ASIC5: variants seen among roughly 807,000 people sequenced by gnomAD.
ASIC5 encodes the protein bile acid-sensitive ion channel.
ASIC5 carries 52 observed loss-of-function variants against 51.2 expected under a neutral mutation model. The ratio of observed to expected loss-of-function variants is 1.02; its 90% CI spans 0.81 to 1.28. The LOEUF is 1.28. ASIC5 is among the 50% of genes most tolerant of loss of function. The pLI is 0.00. For missense variants in ASIC5, 635 were observed against 595.0 expected (o/e 1.07, Z -0.70); for synonymous variants, 231 against 200.7 (o/e 1.15, Z -1.28).
chr4:155,830,171 T>G (rs7434873), intron 9 of ASIC5, 125 bp from the exon 10 acceptor site: 55,245 of 618,730 alleles, frequency 0.089, 2,743 homozygotes, highest in South Asian at 0.12. Flanking sequence ...ATTTTATTAT[T>G]TTAACATTTG....
Position 155,854,334 on chromosome 4 carries a change from C to T in ASIC5, c.348-20G>A, listed in dbSNP as rs907440640. 1.4e-6 allele frequency: 2 copies of T among 1,451,254 alleles called. No homozygotes were observed. Among genetic ancestry groups the T allele is most frequent in the Non-Finnish European group, 1.9e-6 (2 of 1,036,354 alleles). 89.9% of individuals were successfully genotyped at this position (1,451,254 alleles called of 1,614,324 possible). A position where few individuals can be genotyped will look rare whatever the true frequency, so the allele number is the denominator to read the frequency against. On this transcript the variant is annotated intron_variant, in intron 2 of 9. Coordinates refer to ENST00000537611, the MANE Select transcript of ASIC5 (RefSeq NM_017419.3). Reference sequence around the variant, plus strand: ...TGGAACCTATTAGCAGGAATGAAGGCAATAGTTAGAATAATGAAAACTTAT... The same window carrying T: ...TGGAACCTATTAGCAGGAATGAAGGTAATAGTTAGAATAATGAAAACTTAT...
chr4:155,857,199 T>C (rs918624129), intron 2 of ASIC5, among the ~76,000 whole-genome samples: 1 of 152,026 alleles, frequency 6.6e-6, no homozygotes, highest in Non-Finnish European at 1.5e-5. Flanking sequence ...ACATGGTTCA[T>C]TGCAGCCTTG....
intron 2 of ASIC5, among the ~76,000 whole-genome samples, chr4:155,861,830 C>T (rs1002111440): frequency 2.0e-5 from 3 of 151,962 alleles, no homozygotes; most frequent in Non-Finnish European, 4.4e-5. Context: ...TGTGTGTTCT[C>T]TCTTCTCCTT....
At chr4:155,830,425 G>C (rs1377034371) in intron 9 of ASIC5, among the ~76,000 whole-genome samples, 2 of 152,102 alleles carry the variant, frequency 1.3e-5, no homozygotes, top group Admixed American at 1.3e-4. Flanking sequence ...ATGTTTTCCA[G>C]AAAATTAATT....
At chr4:155,838,506 T>G (rs1388110114) in intron 7 of ASIC5, among the ~76,000 whole-genome samples, 1 of 152,214 alleles carries the variant, frequency 6.6e-6, no homozygotes, top group Non-Finnish European at 1.5e-5. Context: ...CTTTCTATTC[T>G]GTAGTATTTT....
rs1740989243 is a variant in ASIC5 at position 155,836,721 on chromosome 4, G to C, written c.1203C>G (p.Ser401=). The C allele has an allele frequency of 6.2e-7, 1 of 1,609,672 alleles. No homozygotes were observed. Among genetic ancestry groups the C allele is most frequent in the Non-Finnish European group, 8.5e-7 (1 of 1,176,806 alleles). ...FPSQKALKYL[S]KKLNQSRKYI... is the part of the protein sequence containing the mutation. The stretch of plus-strand genomic sequence containing the variant: ...ATTTCCGGCTTTGATTCAACTTCTT[G>C]GAAAGATATTTCAAAGCTTTTTGAC... The change falls in exon 8 of 10, where the codon TCC becomes TCG. Residue 401 remains serine (S), a synonymous_variant. Coordinates refer to ENST00000537611, the MANE Select transcript of ASIC5 (RefSeq NM_017419.3).
intron 8 of ASIC5, among the ~76,000 whole-genome samples, chr4:155,834,344 A>G (rs1477247701): frequency 6.6e-6 from 1 of 152,128 alleles, no homozygotes; most frequent in Non-Finnish European, 1.5e-5. Context: ...TGCTGCTAAC[A>G]TTTCACATTT....
chr4:155,861,946 G>A (rs1057122699), intron 2 of ASIC5, among the ~76,000 whole-genome samples: 16 of 151,860 alleles, frequency 1.1e-4, no homozygotes, highest in South Asian at 2.1e-4. Context: ...ATCATTCTGA[G>A]GTTCCAGTAG....
chr4:155,856,944 C>T (rs572012027), intron 2 of ASIC5, among the ~76,000 whole-genome samples: 2 of 152,000 alleles, frequency 1.3e-5, no homozygotes, highest in South Asian at 2.1e-4. Flanking sequence ...AGGAGGGCAT[C>T]TTAAAATATT....
At position 155,835,828 on chromosome 4, in the gene ASIC5, A is replaced by AT. The variant is rs553945677; in HGVS notation, c.1235+860dup. On this transcript the variant is annotated intron_variant, in intron 8 of 9. Transcript: ENST00000537611. Reference sequence around the variant, plus strand: ...TTGTTACCTCAGCGTTTACATGGGAATTTTTTTTTATTTTATTAAAGTAAG... The same window carrying AT: ...TTGTTACCTCAGCGTTTACATGGGAATTTTTTTTTTATTTTATTAAAGTAAG... 5.2e-3 allele frequency among the ~76,000 whole-genome samples: 785 copies of AT among 151,876 alleles called. 5 individuals carry two copies. Among genetic ancestry groups the AT allele is most frequent in the Non-Finnish European group, 7.2e-3 (486 of 67,938 alleles).
chr4:155,834,909 G>A (rs192943419), intron 8 of ASIC5, among the ~76,000 whole-genome samples: 1 of 152,084 alleles, frequency 6.6e-6, no homozygotes, highest in Non-Finnish European at 1.5e-5. Context: ...TCGGCCGGGG[G>A]TGTTCAGAGA....
At chr4:155,834,096 T>A (rs1483660091) in intron 8 of ASIC5, among the ~76,000 whole-genome samples, 1 of 152,190 alleles carries the variant, frequency 6.6e-6, no homozygotes, top group African/African-American at 2.4e-5. Context: ...GAACAATTTT[T>A]AAAATTCACT....
chr4:155,848,769 C>T (rs1164301258), intron 4 of ASIC5, among the ~76,000 whole-genome samples: 1 of 152,028 alleles, frequency 6.6e-6, no homozygotes, highest in Non-Finnish European at 1.5e-5. Context: ...TTTCAGGACT[C>T]ATGGAGAGCT....
At chr4:155,863,348 A>C in intron 2 of ASIC5, 100 bp downstream of exon 2, 1 of 943,240 alleles carries the variant, frequency 1.1e-6, no homozygotes, top group South Asian at 1.8e-5. Context: ...GGTTTTACAT[A>C]TGATAAGTTC....
intron 3 of ASIC5, among the ~76,000 whole-genome samples, chr4:155,853,207 G>A (rs886514229): frequency 6.6e-6 from 1 of 151,994 alleles, no homozygotes; most frequent in African/African-American, 2.4e-5. Context: ...AACAGCATAA[G>A]AAAGCTTACT....
Position 155,842,206 on chromosome 4 carries a change from C to G in ASIC5, c.1009+1G>C, listed in dbSNP as rs202231209. The G allele has an allele frequency of 6.2e-7, 1 of 1,612,858 alleles. No individual in the cohort carries two copies. Among genetic ancestry groups the G allele is most frequent in the Non-Finnish European group, 8.5e-7 (1 of 1,179,324 alleles). On this transcript the variant is annotated splice_donor_variant, in intron 6 of 9. Coordinates refer to ENST00000537611, the MANE Select transcript of ASIC5 (RefSeq NM_017419.3). LOFTEE classifies it high-confidence loss of function. ...TAAGGGGGCAGTTAGTCTTTATTTA[C>G]CAGGAAGAAGAAAAGGCACACATCC... is the stretch of plus-strand genomic sequence containing the variant.
chr4:155,844,991 A>G (rs1741208142), intron 4 of ASIC5, among the ~76,000 whole-genome samples: 1 of 152,084 alleles, frequency 6.6e-6, no homozygotes. Context: ...TGCTAGCAGC[A>G]CATTTTGGGT....
chr4:155,855,179 T>C (rs568411747), intron 2 of ASIC5: 1 of 151,912 alleles, frequency 6.6e-6, no homozygotes, highest in Non-Finnish European at 1.5e-5. Flanking sequence ...CTTGATGGTA[T>C]GACTTAGCAA....
intron 8 of ASIC5, among the ~76,000 whole-genome samples, chr4:155,832,876 T>C (rs1740901302): frequency 6.6e-6 from 1 of 152,090 alleles, no homozygotes; most frequent in Admixed American, 6.5e-5. Flanking sequence ...GTCTTTCTGT[T>C]TCCAACTTTA....
Sources: gnomAD v4.1 joint callset for allele counts (sites outside exome capture counted in the v4.1 genomes callset) on GRCh38, gnomAD v4.1.1 for gene constraint, MANE v1.5 for transcripts, NCBI Gene and HGNC (gene_info 2026-07-23, HGNC 2026-07-21) for gene names.